The following MKRN1 variants were observed in gnomAD, a reference collection of about 807,000 sequenced individuals.
The protein encoded by MKRN1 is E3 ubiquitin-protein ligase makorin-1.
MKRN1 carries 9 observed loss-of-function variants against 55.5 expected under a neutral mutation model. That is an observed-to-expected ratio of 0.16 (90% CI 0.10 to 0.28). The LOEUF (loss-of-function observed/expected upper bound fraction) is 0.28. MKRN1 is among the 10% of genes least tolerant of loss of function. The pLI is 1.00. For synonymous variants in MKRN1, 253 were observed against 235.9 expected (o/e 1.07, Z -0.66); for missense variants, 488 against 626.7 (o/e 0.78, Z 2.36).
At chr7:140,470,474 A>C (rs1794893118) in intron 2 of MKRN1, among the ~76,000 whole-genome samples, 1 of 150,934 alleles carries the variant, frequency 6.6e-6, no homozygotes. Context: ...AATCCCAGCT[A>C]CTCCGGAAGA....
chr7:140,479,424 G>T lies in MKRN1; in HGVS notation c.-80C>A. On this transcript the variant is annotated 5_prime_UTR_variant, in exon 1 of 8. Coordinates refer to ENST00000255977, the MANE Select transcript of MKRN1 (RefSeq NM_013446.4). ...GGTCCGGCTGCGGGGAGAGGACGGC[G>T]AGGCCAGGCGAGGGGAGGGGAAGGA... 8.1e-7 allele frequency: 1 copy of T among 1,237,244 alleles called. No individual in the cohort carries two copies. Among genetic ancestry groups the T allele is most frequent in the South Asian group, 3.4e-5 (1 of 29,542 alleles). The allele number at this position is 1,237,244 out of a possible 1,614,324, so 76.6% of individuals were successfully genotyped here.
chr7:140,456,946 T>C (rs1353088895), intron 4 of MKRN1, 80 bp from the exon 5 acceptor site: 3 of 1,331,390 alleles, frequency 2.3e-6, no homozygotes, highest in Admixed American at 4.4e-5. Flanking sequence ...TGATTCACAG[T>C]CAAAGAATCA....
At chr7:140,463,633 C>T (rs1032581686) in intron 2 of MKRN1, among the ~76,000 whole-genome samples, 2 of 152,184 alleles carry the variant, frequency 1.3e-5, no homozygotes, top group Admixed American at 6.5e-5. Flanking sequence ...CGCCTGTAAT[C>T]CCAGCACTTT....
At chr7:140,459,659 A>ACTG in intron 3 of MKRN1, 48 bp downstream of exon 3, 1 of 1,548,176 alleles carries the variant, frequency 6.5e-7, no homozygotes. Context: ...AAATGGATGA[A>ACTG]CTGCTATCCA....
At chr7:140,471,621 C>A (rs1209120872) in intron 2 of MKRN1, among the ~76,000 whole-genome samples, 2 of 152,044 alleles carry the variant, frequency 1.3e-5, no homozygotes, top group African/African-American at 4.8e-5. Flanking sequence ...AGACGCACAC[C>A]ACCATGCCCA....
intron 4 of MKRN1, among the ~76,000 whole-genome samples, chr7:140,458,423 G>T (rs973626703): frequency 1.3e-5 from 2 of 152,158 alleles, no homozygotes; most frequent in Non-Finnish European, 2.9e-5. Flanking sequence ...CACATTACAG[G>T]ATTCCATTTA....
chr7:140,457,003 G>T, intron 4 of MKRN1, 137 bp from the exon 5 acceptor site: 1 of 893,352 alleles, frequency 1.1e-6, no homozygotes, highest in Non-Finnish European at 1.7e-6. Context: ...ACGAAAATTA[G>T]CTTTGCTGAC....
chr7:140,477,615 C>G (rs1017188241), intron 1 of MKRN1, among the ~76,000 whole-genome samples: 1 of 152,112 alleles, frequency 6.6e-6, no homozygotes, highest in Non-Finnish European at 1.5e-5. Context: ...AGCCACTGTG[C>G]CCGGCCTAAT....
intron 1 of MKRN1, 164 bp downstream of exon 1, chr7:140,478,996 C>A (rs1273894820): frequency 5.8e-6 from 5 of 863,640 alleles, no homozygotes; most frequent in Non-Finnish European, 7.6e-6. Context: ...ACTGGGGGAA[C>A]GCGGCGGCAG....
chr7:140,457,804 A>G (rs558571319), intron 4 of MKRN1, among the ~76,000 whole-genome samples: 9 of 152,190 alleles, frequency 5.9e-5, no homozygotes, highest in Non-Finnish European at 1.0e-4. Context: ...AAGAAAAAAC[A>G]TATATACATA....
At chr7:140,464,206 C>T (rs989561212) in intron 2 of MKRN1, among the ~76,000 whole-genome samples, 4 of 151,988 alleles carry the variant, frequency 2.6e-5, no homozygotes, top group African/African-American at 9.7e-5. Context: ...AGGCGTGAGC[C>T]ACCGCGCCCA....
At chr7:140,460,107 G>A in intron 2 of MKRN1, 171 bp from the exon 3 acceptor site, 1 of 629,876 alleles carries the variant, frequency 1.6e-6, no homozygotes, top group Non-Finnish European at 2.8e-6. Context: ...AAATTAGCTG[G>A]GCATGGTGGC....
At chr7:140,465,047 G>A (rs1001418521) in intron 2 of MKRN1, among the ~76,000 whole-genome samples, 2 of 152,192 alleles carry the variant, frequency 1.3e-5, no homozygotes, top group African/African-American at 4.8e-5. Flanking sequence ...TAGTACAAAT[G>A]TCTAAGGAAG....
chr7:140,474,056 AGAAAGAAAGAAT>A (rs1320857265), intron 1 of MKRN1, among the ~76,000 whole-genome samples: 1 of 133,426 alleles, frequency 7.5e-6, no homozygotes, highest in Non-Finnish European at 1.6e-5. Context: ...AAAGAAAGAA[AGAAAGAAAGAAT>A]AAAAGACTGT....
chr7:140,479,374 G>A lies in MKRN1; in HGVS notation c.-30C>T, dbSNP rs1332496787. 2 of 1,276,816 alleles carry A rather than the reference G, an allele frequency of 1.6e-6. No homozygotes were observed. The highest frequency in any genetic ancestry group is 6.3e-5 in the East Asian group (2 of 31,766). 79.1% of individuals were successfully genotyped at this position (1,276,816 alleles called of 1,614,324 possible). A position where few individuals can be genotyped will look rare whatever the true frequency, so the allele number is the denominator to read the frequency against. On this transcript the variant is annotated 5_prime_UTR_variant, in exon 1 of 8. Transcript: ENST00000255977. Reference sequence around the variant, plus strand: ...GTTTATCCCACACAGCAAAGGCCCCGGAACTTCCGGGATCACATAGTTCCG... The same window carrying A: ...GTTTATCCCACACAGCAAAGGCCCCAGAACTTCCGGGATCACATAGTTCCG...
chr7:140,454,829 G>C, intron 7 of MKRN1, 100 bp from the exon 8 acceptor site: 1 of 1,253,126 alleles, frequency 8.0e-7, no homozygotes, highest in South Asian at 1.3e-5. Flanking sequence ...AGGGCATGAC[G>C]AACCAGACTT....
intron 5 of MKRN1, 99 bp downstream of exon 5, chr7:140,456,553 A>G: frequency 6.7e-7 from 1 of 1,499,806 alleles, no homozygotes; most frequent in Non-Finnish European, 8.9e-7. Flanking sequence ...GATAAAATGC[A>G]TGCATTTAAA....
intron 7 of MKRN1, 69 bp from the exon 8 acceptor site, chr7:140,454,798 G>A: frequency 6.7e-7 from 1 of 1,501,338 alleles, no homozygotes; most frequent in African/African-American, 1.4e-5. Context: ...TGTTTATAAG[G>A]CAAAACGTCC....
rs897162974 is a variant in MKRN1 at position 140,456,446 on chromosome 7, A to G, written c.986+206T>C. ...AGCACGAAGATTCTAACTGATACAC[A>G]GGGTTTCCTCATTCAAATAAAAGTA... On this transcript the variant is annotated intron_variant, in intron 5 of 7. Transcript: ENST00000255977. The G allele has an allele frequency of 3.6e-6, 5 of 1,406,284 alleles. No individual in the cohort carries two copies. The African/African-American group carries it at 7.2e-5, about 20-fold the overall frequency. The allele number at this position is 1,406,284 out of a possible 1,614,324, so 87.1% of individuals were successfully genotyped here.
Sources: gnomAD v4.1 joint callset for allele counts (sites outside exome capture counted in the v4.1 genomes callset) on GRCh38, gnomAD v4.1.1 for gene constraint, MANE v1.5 for transcripts, NCBI Gene and HGNC (gene_info 2026-07-23, HGNC 2026-07-21) for gene names.